MPDZ: variants seen among roughly 807,000 people sequenced by gnomAD.
The protein encoded by MPDZ is multiple PDZ domain crumbs cell polarity complex component.
A neutral mutation model predicts 239.1 loss-of-function variants in MPDZ; 234 were observed. That is an observed-to-expected ratio of 0.98 (90% CI 0.88 to 1.09). The LOEUF (loss-of-function observed/expected upper bound fraction) is 1.09. Among genes scored for constraint, MPDZ ranks in the 50% least tolerant of loss-of-function variants. MPDZ has a pLI of 0.00. For synonymous variants in MPDZ, 1,048 were observed against 881.3 expected, an observed-to-expected ratio of 1.19 and a Z score of -3.35; for missense variants, 3,175 against 2,510.0, an observed-to-expected ratio of 1.26 and a Z score of -5.66.
chr9:13,205,055 T>G lies in MPDZ; in HGVS notation c.1527A>C (p.Ile509=). 1 of 1,464,042 alleles carries G rather than the reference T, an allele frequency of 6.8e-7. No individual in the cohort carries two copies. Among genetic ancestry groups the G allele is most frequent in the Non-Finnish European group, 9.0e-7 (1 of 1,110,762 alleles). The allele number at this position is 1,464,042 out of a possible 1,614,324, so 90.7% of individuals were successfully genotyped here. A position where few individuals can be genotyped will look rare whatever the true frequency, so the allele number is the denominator to read the frequency against. ...GTTTACCTTCTTCTTCAGTTGGTAATATGTTGGTGTTTCTCGTCGAAGATA... is the reference window on the plus strand; with the variant it reads ...GTTTACCTTCTTCTTCAGTTGGTAAGATGTTGGTGTTTCTCGTCGAAGATA... ...DFLSSTRNTN[I]LPTEEEGYPL... is the part of the protein sequence containing the mutation. The change falls in exon 12 of 47, where the codon ATA becomes ATC. Residue 509 remains isoleucine, a synonymous_variant. Transcript: ENST00000319217.
intron 3 of MPDZ, among the ~76,000 whole-genome samples, chr9:13,242,796 G>C (rs1440772484): frequency 6.6e-6 from 1 of 152,146 alleles, no homozygotes; most frequent in Non-Finnish European, 1.5e-5. Flanking sequence ...CAGCAATGCA[G>C]ACATTATAAG....
At chr9:13,241,820 C>T (rs959093354) in intron 3 of MPDZ, among the ~76,000 whole-genome samples, 4 of 152,176 alleles carry the variant, frequency 2.6e-5, no homozygotes, top group Non-Finnish European at 2.9e-5. Context: ...ATGAACTCTT[C>T]GCAGTCGTAC....
chr9:13,136,320 G>GTTTTATTTTTTTTTTTTTTTTTTTT, intron 30 of MPDZ, 138 bp from the exon 31 acceptor site: 1 of 193,262 alleles, frequency 5.2e-6, no homozygotes, highest in Non-Finnish European at 8.3e-6. Context: ...ATTTACAAAC[G>GTTTTATTTTTTTTTTTTTTTTTTTT]TTTTCTTTTT....
intron 3 of MPDZ, among the ~76,000 whole-genome samples, chr9:13,228,475 G>C (rs1961328658): frequency 6.6e-6 from 1 of 151,850 alleles, no homozygotes; most frequent in Non-Finnish European, 1.5e-5. Context: ...TACTACAAAA[G>C]GTCAAGTAAA....
In MPDZ at chr9:13,115,312, A is replaced by G; in HGVS notation, c.5402T>C (p.Leu1801Ser). ...LLKCSLGTVT[L>S]EVGRIKAGPF... ...ACCAGCTTTGATTCTTCCAACTTCC[A>G]AGGTTACTGTGCCTAGGGAACACTG... Residue 1801 changes from leucine to serine, a missense_variant, in exon 40 of 47, where the codon TTG becomes TCG. By Grantham distance (145) the Leu-to-Ser change is moderately radical. Transcript: ENST00000319217. 2 of 1,612,752 alleles carry G rather than the reference A, an allele frequency of 1.2e-6. No individual in the cohort carries two copies. Among genetic ancestry groups the G allele is most frequent in the South Asian group, 2.2e-5 (2 of 91,068 alleles).
chr9:13,122,870 T>C (rs554373800), intron 36 of MPDZ, among the ~76,000 whole-genome samples: 1 of 152,132 alleles, frequency 6.6e-6, no homozygotes, highest in African/African-American at 2.4e-5. Context: ...AAAAAGGAAA[T>C]TAAAATGTAG....
chr9:13,112,898 T>C, intron 42 of MPDZ, 113 bp downstream of exon 42: 1 of 1,025,838 alleles, frequency 9.7e-7, no homozygotes, highest in Non-Finnish European at 1.5e-6. Context: ...TATGTAAGAA[T>C]ACATACTTTT....
Position 13,175,204 on chromosome 9 carries a change from T to C in MPDZ, c.3055+548A>G, listed in dbSNP as rs111265149. Among the ~76,000 whole-genome samples the C allele has an allele frequency of 7.5e-3, 1,149 of 152,292 alleles. 16 individuals are homozygous for C. The highest frequency in any genetic ancestry group is 0.026 in the African/African-American group (1,101 of 41,570). On this transcript the variant is annotated intron_variant, in intron 21 of 46. Transcript: ENST00000319217. ...TTAGGATATTTCTACAGAAAGTCTT[T>C]TTTGCCCAATTCAGAGGGTTTTGTG...
chr9:13,268,497 ATAAC>A (rs1160061069), intron 1 of MPDZ, among the ~76,000 whole-genome samples: 1 of 152,204 alleles, frequency 6.6e-6, no homozygotes, highest in Non-Finnish European at 1.5e-5. Flanking sequence ...AAGAATGAGG[ATAAC>A]TATCTAACTT....
intron 12 of MPDZ, among the ~76,000 whole-genome samples, chr9:13,203,594 A>G (rs1956638435): frequency 6.6e-6 from 1 of 152,100 alleles, no homozygotes; most frequent in South Asian, 2.1e-4. Flanking sequence ...AGAGGCAATA[A>G]TATCTTACCC....
At chr9:13,207,422 C>A (rs1957126938) in intron 10 of MPDZ, among the ~76,000 whole-genome samples, 1 of 152,148 alleles carries the variant, frequency 6.6e-6, no homozygotes, top group Non-Finnish European at 1.5e-5. Context: ...GCCCCTCAGC[C>A]ACAGAGGGCT....
chr9:13,210,001 G>A (rs1419812944), intron 10 of MPDZ, among the ~76,000 whole-genome samples: 4 of 151,138 alleles, frequency 2.6e-5, no homozygotes, highest in African/African-American at 9.7e-5. Flanking sequence ...GAAAGGATTA[G>A]GGAGAAGGGA....
chr9:13,147,523 T>C, intron 26 of MPDZ, 25 bp downstream of exon 26: 4 of 1,555,178 alleles, frequency 2.6e-6, no homozygotes, highest in African/African-American at 1.4e-5. Context: ...TGGATATGCC[T>C]ACCTTGCCCT....
intron 7 of MPDZ, among the ~76,000 whole-genome samples, chr9:13,221,114 C>A (rs1326966779): frequency 6.6e-6 from 1 of 151,942 alleles, no homozygotes; most frequent in African/African-American, 2.4e-5. Context: ...AAATCCATAA[C>A]CTTGGCTTTA....
intron 24 of MPDZ, among the ~76,000 whole-genome samples, chr9:13,154,589 C>T (rs1221184407): frequency 6.6e-6 from 1 of 152,150 alleles, no homozygotes; most frequent in Non-Finnish European, 1.5e-5. Flanking sequence ...TTAATTAATA[C>T]ATGTAGGGTC....
At chr9:13,139,769 G>A (rs528585357) in intron 28 of MPDZ, 1 of 557,992 alleles carries the variant, frequency 1.8e-6, no homozygotes, top group South Asian at 1.8e-5. Flanking sequence ...GGCAGAGTGA[G>A]CTTTAACAGC....
chr9:13,189,491 C>T (rs1026626015), intron 16 of MPDZ, among the ~76,000 whole-genome samples: 2 of 151,962 alleles, frequency 1.3e-5, no homozygotes, highest in South Asian at 4.2e-4. Flanking sequence ...AGACACACAG[C>T]AACCTTAATG....
intron 11 of MPDZ, 22 bp from the exon 12 acceptor site, chr9:13,205,129 G>A (rs1956847218): frequency 7.8e-7 from 1 of 1,278,138 alleles, no homozygotes; most frequent in Non-Finnish European, 1.0e-6. Context: ...AAATATTTTA[G>A]TAATTTTATC....
intron 10 of MPDZ, among the ~76,000 whole-genome samples, chr9:13,210,556 A>T (rs1957503389): frequency 6.6e-6 from 1 of 152,050 alleles, no homozygotes; most frequent in Non-Finnish European, 1.5e-5. Flanking sequence ...CAGGAGGATA[A>T]GGAAGAGGTT....
Sources: allele counts gnomAD v4.1 joint callset (sites outside exome capture counted in the v4.1 genomes callset), GRCh38; gene constraint gnomAD v4.1.1; transcripts MANE v1.5; gene names NCBI Gene and HGNC (gene_info 2026-07-23, HGNC 2026-07-21).